The following TEX2 variants were observed in gnomAD, a reference collection of about 807,000 sequenced individuals.
The protein encoded by TEX2 is testis-expressed protein 2.
TEX2 carries 53 observed loss-of-function variants against 106.9 expected under a neutral mutation model. The ratio of observed to expected loss-of-function variants is 0.50; its 90% CI spans 0.40 to 0.62. The LOEUF is 0.62. Among genes scored for constraint, TEX2 ranks in the 20% least tolerant of loss-of-function variants. The pLI is 0.00. For missense variants in TEX2, 1,207 were observed against 1,379.0 expected, an observed-to-expected ratio of 0.88 and a Z score of 1.98; for synonymous variants, 523 against 534.8, an observed-to-expected ratio of 0.98 and a Z score of 0.30.
intron 1 of TEX2, among the ~76,000 whole-genome samples, chr17:64,233,862 A>G (rs1283814000): frequency 1.3e-5 from 2 of 152,216 alleles, no homozygotes; most frequent in Non-Finnish European, 2.9e-5. Context: ...GGGCACAGTG[A>G]GACCATGTCC....
At chr17:64,160,461 G>A (rs1216692847) in intron 8 of TEX2, among the ~76,000 whole-genome samples, 2 of 152,140 alleles carry the variant, frequency 1.3e-5, no homozygotes, top group Non-Finnish European at 2.9e-5. Context: ...GTTTATGACC[G>A]GAAGGATCTT....
intron 1 of TEX2, among the ~76,000 whole-genome samples, chr17:64,218,493 A>T (rs1401304853): frequency 7.0e-6 from 1 of 142,234 alleles, no homozygotes; most frequent in Non-Finnish European, 1.5e-5. Context: ...ATCTCGGCTC[A>T]TTGCAACCTC....
intron 6 of TEX2, among the ~76,000 whole-genome samples, chr17:64,172,062 C>T (rs762336425): frequency 8.6e-5 from 13 of 151,022 alleles, no homozygotes; most frequent in South Asian, 6.2e-4. Context: ...CCTTGAAAAA[C>T]AGCACATGCT....
At chr17:64,172,574 C>T (rs1023297303) in intron 6 of TEX2, among the ~76,000 whole-genome samples, 1 of 152,032 alleles carries the variant, frequency 6.6e-6, no homozygotes, top group Non-Finnish European at 1.5e-5. Flanking sequence ...TTGTCCCCCC[C>T]ATCTACTGAA....
intron 1 of TEX2, among the ~76,000 whole-genome samples, chr17:64,241,969 G>A (rs1178788957): frequency 6.6e-6 from 1 of 152,104 alleles, no homozygotes; most frequent in African/African-American, 2.4e-5. Flanking sequence ...GTCTGACATT[G>A]CCTACCTGTT....
At chr17:64,163,100 A>G (rs2030962109) in intron 7 of TEX2, among the ~76,000 whole-genome samples, 1 of 152,128 alleles carries the variant, frequency 6.6e-6, no homozygotes, top group African/African-American at 2.4e-5. Flanking sequence ...ACTCATAAAA[A>G]TATGAAAGAG....
At chr17:64,161,915 G>A (rs934460978) in intron 7 of TEX2, among the ~76,000 whole-genome samples, 1 of 151,876 alleles carries the variant, frequency 6.6e-6, no homozygotes, top group Non-Finnish European at 1.5e-5. Flanking sequence ...TAAAACCATC[G>A]TTCACATACA....
At chr17:64,246,107 C>G (rs2033983372) in intron 1 of TEX2, among the ~76,000 whole-genome samples, 1 of 152,184 alleles carries the variant, frequency 6.6e-6, no homozygotes, top group Non-Finnish European at 1.5e-5. Context: ...CCTTTAAGAG[C>G]CAGATCCCTG....
chr17:64,152,894 G>T, intron 10 of TEX2, 51 bp downstream of exon 10: 1 of 1,555,418 alleles, frequency 6.4e-7, no homozygotes, highest in Non-Finnish European at 8.8e-7. Flanking sequence ...GGATTTCTGT[G>T]GCCATGCAAT....
chr17:64,158,250 G>T (rs550333839), intron 8 of TEX2, among the ~76,000 whole-genome samples: 2 of 152,342 alleles, frequency 1.3e-5, no homozygotes, highest in South Asian at 4.1e-4. Flanking sequence ...CTTCCTACCA[G>T]TAAGGAGGAC....
intron 2 of TEX2, among the ~76,000 whole-genome samples, chr17:64,204,482 T>C (rs1233137403): frequency 6.6e-6 from 1 of 152,228 alleles, no homozygotes; most frequent in African/African-American, 2.4e-5. Context: ...GTCATCTGTA[T>C]GTTAAATATC....
At chr17:64,178,827 C>T (rs1484890386) in intron 5 of TEX2, among the ~76,000 whole-genome samples, 2 of 152,236 alleles carry the variant, frequency 1.3e-5, no homozygotes, top group Non-Finnish European at 2.9e-5. Flanking sequence ...CTTGTGCATT[C>T]GTGCCAGTGC....
At chr17:64,149,175 T>A (rs1319766509) in intron 11 of TEX2, 84 bp from the exon 12 acceptor site, 1 of 1,450,780 alleles carries the variant, frequency 6.9e-7, no homozygotes, top group African/African-American at 1.4e-5. Flanking sequence ...ATTTTAGGGC[T>A]TAGACTGATT....
intron 4 of TEX2, 161 bp from the exon 5 acceptor site, chr17:64,188,576 A>G (rs937385669): frequency 5.2e-6 from 6 of 1,160,766 alleles, no homozygotes; most frequent in East Asian, 2.6e-5. Flanking sequence ...CAGCACTTTG[A>G]GAGGCCGAGG....
chr17:64,194,009 A>G, intron 3 of TEX2, 120 bp from the exon 4 acceptor site: 1 of 592,044 alleles, frequency 1.7e-6, no homozygotes, highest in Non-Finnish European at 2.5e-6. Flanking sequence ...TGAATATGAA[A>G]TAACTTTCAA....
chr17:64,209,538 G>A (rs1236584174), intron 2 of TEX2, among the ~76,000 whole-genome samples: 2 of 152,236 alleles, frequency 1.3e-5, no homozygotes, highest in East Asian at 1.9e-4. Flanking sequence ...CTTAGTCTAT[G>A]ACAGTTTGCT....
At chr17:64,168,797 C>G (rs1404860537) in intron 7 of TEX2, among the ~76,000 whole-genome samples, 1 of 151,234 alleles carries the variant, frequency 6.6e-6, no homozygotes, top group Non-Finnish European at 1.5e-5. Flanking sequence ...AGGCAAAGAG[C>G]AAAAAGGAAT....
chr17:64,230,323 C>T (rs2033628126), intron 1 of TEX2, among the ~76,000 whole-genome samples: 1 of 151,902 alleles, frequency 6.6e-6, no homozygotes, highest in African/African-American at 2.4e-5. Context: ...AAGTGGAGGA[C>T]AAAGCAGAAG....
chr17:64,169,203 TGAC>T (rs958967998), intron 7 of TEX2, among the ~76,000 whole-genome samples: 47 of 152,266 alleles, frequency 3.1e-4, no homozygotes, highest in African/African-American at 9.9e-4. Context: ...CATGCCCGGC[TGAC>T]TTTTGTATTT....
Sources: gnomAD v4.1 joint callset for allele counts (sites outside exome capture counted in the v4.1 genomes callset) on GRCh38, gnomAD v4.1.1 for gene constraint, MANE v1.5 for transcripts, NCBI Gene and HGNC (gene_info 2026-07-23, HGNC 2026-07-21) for gene names.